Variants in GARNL3 observed in about 807,000 individuals in gnomAD.
GARNL3 encodes GTPase-activating Rap/Ran-GAP domain-like protein 3.
GARNL3 carries 63 observed loss-of-function variants against 125.0 expected under a neutral mutation model. The observed-to-expected ratio is 0.50, with a 90% confidence interval of 0.41 to 0.62. The LOEUF (loss-of-function observed/expected upper bound fraction) is 0.62. GARNL3 is among the 20% of genes least tolerant of loss of function. The probability of loss-of-function intolerance (pLI) is 0.00; values close to 1 mark genes in which losing one functional copy is unlikely to be tolerated. For synonymous variants in GARNL3, 439 were observed against 457.5 expected, an observed-to-expected ratio of 0.96 and a Z score of 0.52; for missense variants, 994 against 1,244.0, an observed-to-expected ratio of 0.80 and a Z score of 3.02.
intron 2 of GARNL3, among the ~76,000 whole-genome samples, chr9:127,257,245 A>C (rs1337222526): frequency 6.6e-6 from 1 of 152,176 alleles, no homozygotes; most frequent in Non-Finnish European, 1.5e-5. Flanking sequence ...ATTTTTGTGC[A>C]GGGTGTTGAC....
In GARNL3 at chr9:127,384,104, A is replaced by G. The variant is rs537530800; in HGVS notation, c.2269+559A>G. ...AGTTCATTCTTTTGTCCTCACAATA[A>G]AACTGTGTGTTAATAGGTCCACAGG... On this transcript the variant is annotated intron_variant, in intron 23 of 27. Coordinates refer to ENST00000373387, the MANE Select transcript of GARNL3 (RefSeq NM_032293.5). The surrounding 1 kb of genome is among the most constrained non-coding windows in gnomAD (Gnocchi z 4.0). Among the ~76,000 whole-genome samples, 2 of 152,222 alleles carry G rather than the reference A, an allele frequency of 1.3e-5. No homozygotes were observed. Among genetic ancestry groups the G allele is most frequent in the Non-Finnish European group, 2.9e-5 (2 of 68,030 alleles).
At chr9:127,256,271 A>G (rs868689977) in intron 2 of GARNL3, among the ~76,000 whole-genome samples, 1 of 152,214 alleles carries the variant, frequency 6.6e-6, no homozygotes. Flanking sequence ...TGTGCAAAAC[A>G]TCATACTTCA....
chr9:127,234,985 GT>G (rs964417540), intron 1 of GARNL3, among the ~76,000 whole-genome samples: 26 of 149,396 alleles, frequency 1.7e-4, no homozygotes, highest in East Asian at 5.9e-4. Flanking sequence ...ACTTATAAAA[GT>G]TTTTTTTTTA....
At chr9:127,225,270 C>T (rs1278256140) in intron 1 of GARNL3, 20 of 811,952 alleles carry the variant, frequency 2.5e-5, no homozygotes, top group Non-Finnish European at 2.7e-5. Context: ...GAGGCCCGAG[C>T]CCACCCGAGT....
intron 2 of GARNL3, among the ~76,000 whole-genome samples, chr9:127,310,108 G>T (rs1347728331): frequency 6.6e-6 from 1 of 152,106 alleles, no homozygotes; most frequent in Admixed American, 6.6e-5. Context: ...TAAATGATTT[G>T]GGGAAAATTG....
At chr9:127,362,094 A>C (rs1831036810) in intron 21 of GARNL3, 1 of 139,222 alleles carries the variant, frequency 7.2e-6, no homozygotes, top group Non-Finnish European at 1.5e-5. Flanking sequence ...TTTTTGAGAC[A>C]GAGTTTCGCT....
intron 1 of GARNL3, among the ~76,000 whole-genome samples, chr9:127,287,796 G>A (rs2064294953): frequency 6.6e-6 from 1 of 152,234 alleles, no homozygotes; most frequent in African/African-American, 2.4e-5. Context: ...TCCCCAGCCT[G>A]TGGTGCTTCC....
chr9:127,339,637 C>T lies in GARNL3; in HGVS notation c.1029-8C>T, dbSNP rs1829755561. On this transcript the variant is annotated splice_polypyrimidine_tract_variant and splice_region_variant and intron_variant, in intron 12 of 27. Transcript: ENST00000373387. ...GCTAATATTAATTCTGCAATATTCT[C>T]TACTTAGGCTGAAAATATTTTCAGA... The T allele has an allele frequency of 6.3e-7, 1 of 1,593,234 alleles. No homozygotes were observed. Among genetic ancestry groups the T allele is most frequent in the Admixed American group, 1.7e-5 (1 of 59,986 alleles).
rs150242131 is a variant in GARNL3, at chr9:127,290,177, G to A, written c.145-991G>A. 3.0e-3 allele frequency among the ~76,000 whole-genome samples: 461 copies of A among 152,278 alleles called. 4 individuals carry two copies. The highest frequency in any genetic ancestry group is 0.01 in the African/African-American group (434 of 41,554). On this transcript the variant is annotated intron_variant, in intron 1 of 27. Transcript: ENST00000373387. ...CATATTAAGAGCAAAAGAATGCATGGCATTCAACAAATACCAGATACTGTT... is the reference window on the plus strand; with the variant it reads ...CATATTAAGAGCAAAAGAATGCATGACATTCAACAAATACCAGATACTGTT...
At chr9:127,263,008 G>A (rs1489932258), upstream of GARNL3, among the ~76,000 whole-genome samples, 2 of 152,212 alleles carry the variant, frequency 1.3e-5, no homozygotes, top group African/African-American at 4.8e-5. Flanking sequence ...ATATAGGTCA[G>A]CCTGGTTCCC....
chr9:127,361,339 T>C (rs1830989131), intron 21 of GARNL3, among the ~76,000 whole-genome samples: 1 of 151,974 alleles, frequency 6.6e-6, no homozygotes, highest in Non-Finnish European at 1.5e-5. Context: ...GGTGCAATCA[T>C]AGTTCAATTC....
At chr9:127,367,184 T>A (rs1831330835) in intron 22 of GARNL3, 1 of 152,220 alleles carries the variant, frequency 6.6e-6, no homozygotes, top group African/African-American at 2.4e-5. Flanking sequence ...CCCACGGTCA[T>A]CCAGGTCACT....
intron 2 of GARNL3, among the ~76,000 whole-genome samples, chr9:127,303,956 C>T (rs964620985): frequency 5.9e-5 from 9 of 152,150 alleles, no homozygotes; most frequent in African/African-American, 2.2e-4. Flanking sequence ...TTTTGGGTCT[C>T]TGTGGGCATG....
intron 22 of GARNL3, among the ~76,000 whole-genome samples, chr9:127,373,860 G>T (rs1174760599): frequency 6.6e-6 from 1 of 152,170 alleles, no homozygotes; most frequent in African/African-American, 2.4e-5. Flanking sequence ...CAAAAAATTA[G>T]CTGGGCATGG....
chr9:127,250,561 C>T (rs1014566451), intron 2 of GARNL3, among the ~76,000 whole-genome samples: 4 of 152,138 alleles, frequency 2.6e-5, no homozygotes, highest in Non-Finnish European at 5.9e-5. Context: ...GCTGGGGTAT[C>T]CATGGAACCA....
At chr9:127,378,229 GC>G (rs911210821) in intron 22 of GARNL3, among the ~76,000 whole-genome samples, 262 of 134,798 alleles carry the variant, frequency 1.9e-3, no homozygotes, top group African/African-American at 7.0e-3. Context: ...GGGCAACAAA[GC>G]AAGACTCTGT....
At chr9:127,248,510 G>A (rs2063341305) in intron 2 of GARNL3, among the ~76,000 whole-genome samples, 1 of 151,574 alleles carries the variant, frequency 6.6e-6, no homozygotes, top group African/African-American at 2.4e-5. Flanking sequence ...GTAGTAGGAA[G>A]CCCATTTGCT....
intron 22 of GARNL3, among the ~76,000 whole-genome samples, chr9:127,371,755 A>C (rs1564189248): frequency 6.6e-6 from 1 of 152,260 alleles, no homozygotes; most frequent in Non-Finnish European, 1.5e-5. Flanking sequence ...TGTGTTATAT[A>C]TTTTGTTATC....
chr9:127,382,305 TTAAAAA>T (rs1290708531), intron 22 of GARNL3, among the ~76,000 whole-genome samples: 1 of 151,614 alleles, frequency 6.6e-6, no homozygotes, highest in African/African-American at 2.4e-5. Flanking sequence ...GTCTCAAAAA[TTAAAAA>T]TAATAATAAT....
Sources: gnomAD v4.1 joint callset for allele counts (sites outside exome capture counted in the v4.1 genomes callset) on GRCh38, gnomAD v4.1.1 for gene constraint, Gnocchi (gnomAD v3.1) non-coding constraint, MANE v1.5 for transcripts, NCBI Gene and HGNC (gene_info 2026-07-23, HGNC 2026-07-21) for gene names.